Variants in SYNE1 observed in about 807,000 individuals in gnomAD.
The protein encoded by SYNE1 is nesprin-1.
In SYNE1, 616 loss-of-function variants were observed where a neutral mutation model predicts 1,111.0. That is an observed-to-expected ratio of 0.55 (90% CI 0.52 to 0.59). The LOEUF is 0.59. SYNE1 is among the 20% of genes least tolerant of loss of function. The pLI is 0.00. For missense variants in SYNE1, 10,006 were observed against 10,417.0 expected (o/e 0.96, Z 1.72); for synonymous variants, 3,855 against 3,825.8 (o/e 1.01, Z -0.28).
intron 84 of SYNE1, 74 bp downstream of exon 84, chr6:152,321,164 T>C: frequency 6.5e-7 from 1 of 1,546,664 alleles, no homozygotes. Context: ...ATTGTGAAAA[T>C]CAAGAACTCT....
Position 152,218,545 on chromosome 6 carries a change from TA to T in SYNE1, c.22045-143del, listed in dbSNP as rs550673507. On this transcript the variant is annotated intron_variant, in intron 120 of 145. Coordinates refer to ENST00000367255, the MANE Select transcript of SYNE1 (RefSeq NM_182961.4). ...AATTGCCATTCTCTAGACGTTCCTA[TA>T]AAAAAAGCTATAACAATTTAAATCT... 3.6e-4 allele frequency: 334 copies of T among 920,420 alleles called. 2 individuals carry two copies. In the African/African-American group the frequency reaches 4.9e-3, roughly 13 times the overall value. 57.0% of individuals were successfully genotyped at this position (920,420 alleles called of 1,614,324 possible). A position where few individuals can be genotyped will look rare whatever the true frequency, so the allele number is the denominator to read the frequency against.
chr6:152,206,142 G>C (rs1372828321), intron 126 of SYNE1, 26 bp downstream of exon 126: 2 of 1,610,886 alleles, frequency 1.2e-6, no homozygotes, highest in East Asian at 2.2e-5. Flanking sequence ...GGGTTTTTTG[G>C]TTCGTTTTTT....
intron 131 of SYNE1, among the ~76,000 whole-genome samples, chr6:152,160,478 T>G (rs76653891): frequency 0.019 from 2,881 of 152,218 alleles, 89 homozygotes; most frequent in East Asian, 0.086. Flanking sequence ...TTCCTGCACC[T>G]TCACTCTGGG....
At chr6:152,423,571 A>C (rs1403979578) in intron 39 of SYNE1, among the ~76,000 whole-genome samples, 1 of 151,904 alleles carries the variant, frequency 6.6e-6, no homozygotes, top group African/African-American at 2.4e-5. Context: ...CCTCCCTCCC[A>C]CCTTTGCCTA....
At chr6:152,180,018 A>G in intron 129 of SYNE1, 118 bp downstream of exon 129, 1 of 1,141,368 alleles carries the variant, frequency 8.8e-7, no homozygotes, top group Non-Finnish European at 1.3e-6. Context: ...TAAAATGTTT[A>G]AAATATACTG....
intron 137 of SYNE1, chr6:152,144,059 C>T: frequency 2.3e-6 from 1 of 434,646 alleles, no homozygotes; most frequent in Middle Eastern, 7.0e-4. Flanking sequence ...AACCCCTGAT[C>T]ATCTGAATGT....
intron 9 of SYNE1, 70 bp from the exon 10 acceptor site, chr6:152,502,812 T>C (rs1025848983): frequency 3.5e-6 from 4 of 1,157,594 alleles, no homozygotes; most frequent in Admixed American, 1.8e-5. Flanking sequence ...ACAAGTTTGG[T>C]ATCTAGCTAT....
At chr6:152,276,028 T>G (rs1441287038) in intron 98 of SYNE1, among the ~76,000 whole-genome samples, 3 of 128,378 alleles carry the variant, frequency 2.3e-5, no homozygotes, top group Non-Finnish European at 4.7e-5. Flanking sequence ...AATTCTCGAC[T>G]TCTTTTTTTT....
chr6:152,572,166 G>A (rs1424421672), intron 3 of SYNE1, among the ~76,000 whole-genome samples: 2 of 152,126 alleles, frequency 1.3e-5, no homozygotes, highest in African/African-American at 4.8e-5. Context: ...TATTTCTATT[G>A]TCATTGCATA....
chr6:152,621,795 C>A (rs1398826786), intron 3 of SYNE1, among the ~76,000 whole-genome samples: 7 of 151,948 alleles, frequency 4.6e-5, no homozygotes, highest in African/African-American at 9.7e-5. Context: ...AGTAATATAC[C>A]ATTTAAAAGG....
chr6:152,552,485 C>A (rs5002573), intron 3 of SYNE1, among the ~76,000 whole-genome samples: 19,596 of 147,732 alleles, frequency 0.13, 1,581 homozygotes, highest in Admixed American at 0.22. Flanking sequence ...ATTATTTTGT[C>A]AGTATCCAGC....
chr6:152,334,589 C>A (rs750430051), intron 76 of SYNE1, among the ~76,000 whole-genome samples: 1 of 152,108 alleles, frequency 6.6e-6, no homozygotes, highest in African/African-American at 2.4e-5. Flanking sequence ...CATTATCTTA[C>A]CTTGAAGTGC....
Position 152,148,015 on chromosome 6 carries a change from A to G in SYNE1, c.24976+30T>C, listed in dbSNP as rs1439036602. 6.3e-7 allele frequency: 1 copy of G among 1,598,456 alleles called. No individual in the cohort carries two copies. Among genetic ancestry groups the G allele is most frequent in the Non-Finnish European group, 8.6e-7 (1 of 1,167,664 alleles). On this transcript the variant is annotated intron_variant, in intron 137 of 145. Coordinates refer to ENST00000367255, the MANE Select transcript of SYNE1 (RefSeq NM_182961.4). This position sits in a 1 kb window ranked among gnomAD's most constrained non-coding sequence, Gnocchi z 4.1. Reference sequence around the variant, plus strand: ...ATTAATTCCCTCTGACTTTCCTTTAAGCTGGCAAACTGGAGAGGCTCTTTC... The same window carrying G: ...ATTAATTCCCTCTGACTTTCCTTTAGGCTGGCAAACTGGAGAGGCTCTTTC...
chr6:152,365,015 A>G lies in SYNE1; in HGVS notation c.9977T>C (p.Leu3326Pro), dbSNP rs748423514. ...LDSRTLKLEA[L>P]LSVKQEKEIQ... is the part of the protein sequence containing the mutation. ...CTCTTTTTCCTGTTTGACTGATAAT[A>G]GAGCCTGTGAAAACACATACAGAAG... Residue 3326 changes from leucine to proline, a missense_variant, in exon 63 of 146, where the codon CTA becomes CCA. Coordinates refer to ENST00000367255, the MANE Select transcript of SYNE1 (RefSeq NM_182961.4). 1 of 1,614,242 alleles carries G rather than the reference A, an allele frequency of 6.2e-7. No homozygotes were observed. Among genetic ancestry groups the G allele is most frequent in the Non-Finnish European group, 8.5e-7 (1 of 1,180,038 alleles).
rs184189473 is a variant in SYNE1 at position 152,621,627 on chromosome 6, G to A, written c.67+6638C>T. Reference sequence around the variant, plus strand: ...CTGTTTTCTTTTTCTATTTGAGAGCGAATATTTTATAGGTCACTGAAGACC... The same window carrying A: ...CTGTTTTCTTTTTCTATTTGAGAGCAAATATTTTATAGGTCACTGAAGACC... On this transcript the variant is annotated intron_variant, in intron 3 of 145. Transcript: ENST00000367255. Among the ~76,000 whole-genome samples, 18 of 151,198 alleles carry A rather than the reference G, an allele frequency of 1.2e-4. No individual in the cohort carries two copies. The East Asian group carries it at 2.7e-3, about 23-fold the overall frequency.
chr6:152,163,282 T>A (rs1424095668), intron 131 of SYNE1, among the ~76,000 whole-genome samples: 1 of 152,152 alleles, frequency 6.6e-6, no homozygotes, highest in Non-Finnish European at 1.5e-5. Flanking sequence ...GCAGATCACT[T>A]GAGGTCAGGA....
At chr6:152,170,953 T>G (rs559448777) in intron 130 of SYNE1, among the ~76,000 whole-genome samples, 87 of 152,208 alleles carry the variant, frequency 5.7e-4, no homozygotes, top group Non-Finnish European at 9.7e-4. Context: ...TCTCATGAGA[T>G]CTGATGATTT....
intron 10 of SYNE1, 54 bp downstream of exon 10, chr6:152,502,579 C>T (rs2099035465): frequency 7.4e-7 from 1 of 1,345,574 alleles, no homozygotes; most frequent in Non-Finnish European, 1.1e-6. Context: ...ACTCAAAAAG[C>T]TGAGTCACTG....
intron 126 of SYNE1, among the ~76,000 whole-genome samples, chr6:152,202,370 G>A (rs137995878): frequency 4.1e-3 from 187 of 45,066 alleles, no homozygotes; most frequent in Admixed American, 5.2e-3. Context: ...AAAAAAAAAA[G>A]CAAAAAAAAA....
Sources: gnomAD v4.1 joint callset for allele counts (sites outside exome capture counted in the v4.1 genomes callset) on GRCh38, gnomAD v4.1.1 for gene constraint, Gnocchi (gnomAD v3.1) non-coding constraint, MANE v1.5 for transcripts, NCBI Gene and HGNC (gene_info 2026-07-23, HGNC 2026-07-21) for gene names.